The following SLC35F4 variants were observed in gnomAD, a reference collection of about 807,000 sequenced individuals.
The protein encoded by SLC35F4 is solute carrier family 35 member F4, also known as chromosome 14 open reading frame 36.
SLC35F4 carries 24 observed loss-of-function variants against 44.2 expected under a neutral mutation model. That is an observed-to-expected ratio of 0.54 (90% CI 0.39 to 0.76). The LOEUF is 0.76. Ranked by LOEUF, SLC35F4 falls within the 30% of genes least tolerant of loss-of-function variation. The probability of loss-of-function intolerance (pLI) is 0.00; values close to 1 mark genes in which losing one functional copy is unlikely to be tolerated. For missense variants in SLC35F4, 562 were observed against 586.1 expected (o/e 0.96, Z 0.42); for synonymous variants, 238 against 223.6 (o/e 1.06, Z -0.57).
At chr14:57,590,942 T>A (rs148958842) in intron 2 of SLC35F4, among the ~76,000 whole-genome samples, 85 of 152,342 alleles carry the variant, frequency 5.6e-4, no homozygotes, top group African/African-American at 2.0e-3. Flanking sequence ...TAAGGCTTTC[T>A]GATATAATCA....
intron 1 of SLC35F4, among the ~76,000 whole-genome samples, chr14:57,902,329 C>T (rs1889018818): frequency 1.3e-5 from 2 of 151,974 alleles, no homozygotes; most frequent in African/African-American, 2.4e-5. Context: ...TTTGGGAGGC[C>T]GAGGTGAGCA....
intron 1 of SLC35F4, among the ~76,000 whole-genome samples, chr14:57,892,582 T>C (rs1888791891): frequency 6.6e-6 from 1 of 152,226 alleles, no homozygotes; most frequent in Non-Finnish European, 1.5e-5. Context: ...ACAATTCATT[T>C]AACGTTTACA....
chr14:57,835,834 C>T (rs1348933801), intron 1 of SLC35F4, among the ~76,000 whole-genome samples: 1 of 152,248 alleles, frequency 6.6e-6, no homozygotes, highest in Non-Finnish European at 1.5e-5. Flanking sequence ...ATTCTGGCAT[C>T]AAGCCATGTC....
At chr14:57,772,253 T>C (rs761598158) in intron 1 of SLC35F4, among the ~76,000 whole-genome samples, 13 of 152,202 alleles carry the variant, frequency 8.5e-5, no homozygotes, top group Non-Finnish European at 1.8e-4. Flanking sequence ...TAATGACAAA[T>C]GTCAAACTCA....
Position 57,604,926 on chromosome 14 carries a change from C to G in SLC35F4, c.104-10802G>C, listed in dbSNP as rs150000023. On this transcript the variant is annotated intron_variant, in intron 1 of 7. Coordinates refer to ENST00000556826, the MANE Select transcript of SLC35F4 (RefSeq NM_001306087.2). ...CATATGCAAAAGAATGAAACTGGAC[C>G]CATACCTATCACCATATACAAAAAT... is the stretch of plus-strand genomic sequence containing the variant. Among the ~76,000 whole-genome samples the G allele has an allele frequency of 8.3e-3, 1,268 of 152,082 alleles. 23 individuals carry two copies. The highest frequency in any genetic ancestry group is 0.013 in the South Asian group (65 of 4,816).
chr14:57,800,916 G>A (rs1175223563), intron 1 of SLC35F4, among the ~76,000 whole-genome samples: 2 of 152,168 alleles, frequency 1.3e-5, no homozygotes, highest in African/African-American at 4.8e-5. Flanking sequence ...AAGAGACAGG[G>A]AGAATGGAAC....
intron 1 of SLC35F4, among the ~76,000 whole-genome samples, chr14:57,743,776 A>T (rs2076684726): frequency 6.6e-6 from 1 of 152,330 alleles, no homozygotes; most frequent in South Asian, 2.1e-4. Flanking sequence ...CAACAAAAAA[A>T]CACAATTTTA....
At chr14:57,568,857 C>T (rs778317603) in intron 6 of SLC35F4, among the ~76,000 whole-genome samples, 11 of 151,980 alleles carry the variant, frequency 7.2e-5, no homozygotes, top group East Asian at 3.9e-4. Context: ...GAAATAGAAG[C>T]GGCATGAAAA....
Position 57,732,354 on chromosome 14 carries a change from A to C in SLC35F4, c.103+133369T>G, listed in dbSNP as rs1306193496. ...GACTGAAATTACAAACTAAAGTATA[A>C]AAACAAGCACAGTAAAGTTATAATG... On this transcript the variant is annotated intron_variant, in intron 1 of 7. Coordinates refer to ENST00000556826, the MANE Select transcript of SLC35F4 (RefSeq NM_001306087.2). Among the ~76,000 whole-genome samples the C allele has an allele frequency of 2.0e-5, 3 of 152,314 alleles. No homozygotes were observed. The East Asian group carries it at 5.8e-4, about 29-fold the overall frequency.
At chr14:57,967,337 T>G (rs1880904160) in intron 1 of SLC35F4, among the ~76,000 whole-genome samples, 2 of 152,204 alleles carry the variant, frequency 1.3e-5, no homozygotes, top group African/African-American at 4.8e-5. Flanking sequence ...ATCCAGTCCC[T>G]CCTCCTCTCC....
At chr14:57,919,432 T>C (rs1469504032) in intron 1 of SLC35F4, among the ~76,000 whole-genome samples, 1 of 152,322 alleles carries the variant, frequency 6.6e-6, no homozygotes, top group South Asian at 2.1e-4. Flanking sequence ...AGTTAACACA[T>C]GCCAGGGCGA....
At chr14:57,592,417 A>C (rs2070248873) in intron 2 of SLC35F4, among the ~76,000 whole-genome samples, 1 of 152,212 alleles carries the variant, frequency 6.6e-6, no homozygotes, top group Admixed American at 6.5e-5. Flanking sequence ...AATATCCCCA[A>C]GTGCTTCCAA....
chr14:57,972,917 A>G (rs1174638899), downstream of SLC35F4, among the ~76,000 whole-genome samples: 1 of 152,212 alleles, frequency 6.6e-6, no homozygotes, highest in Non-Finnish European at 1.5e-5. Flanking sequence ...GCCGAGGGAG[A>G]AGGCTCACTG....
chr14:57,579,679 C>T (rs536433163), intron 4 of SLC35F4, among the ~76,000 whole-genome samples: 2 of 152,270 alleles, frequency 1.3e-5, no homozygotes, highest in African/African-American at 4.8e-5. Flanking sequence ...GAAGTATGAA[C>T]TCATTTACTA....
intron 1 of SLC35F4, among the ~76,000 whole-genome samples, chr14:57,651,691 G>A (rs759681112): frequency 2.0e-5 from 3 of 152,116 alleles, no homozygotes; most frequent in Non-Finnish European, 4.4e-5. Flanking sequence ...CCATGGCTGC[G>A]GCTTGGGAAA....
chr14:57,954,440 G>A (rs1219717954), intron 1 of SLC35F4, among the ~76,000 whole-genome samples: 10 of 151,786 alleles, frequency 6.6e-5, no homozygotes, highest in Non-Finnish European at 1.2e-4. Flanking sequence ...GAACTGAAGG[G>A]GATAGAGACA....
intron 1 of SLC35F4, among the ~76,000 whole-genome samples, chr14:57,707,649 A>G (rs200336477): frequency 6.6e-6 from 1 of 152,214 alleles, no homozygotes; most frequent in East Asian, 1.9e-4. Flanking sequence ...CTAGTGGGAC[A>G]TTGGTAGAAG....
intron 1 of SLC35F4, among the ~76,000 whole-genome samples, chr14:57,800,027 A>C (rs1490087544): frequency 6.6e-6 from 1 of 152,190 alleles, no homozygotes; most frequent in Non-Finnish European, 1.5e-5. Context: ...TGCTTCTTTA[A>C]GCCGGACCCC....
In SLC35F4 at chr14:57,961,933, C is replaced by A. The variant is rs140862324; in HGVS notation, n.282+19980G>T. Among the ~76,000 whole-genome samples the A allele has an allele frequency of 8.7e-4, 133 of 152,296 alleles. 1 individual carries two copies. Among genetic ancestry groups the A allele is most frequent in the Admixed American group, 2.0e-3 (30 of 15,300 alleles). On this transcript the variant is annotated intron_variant and non_coding_transcript_variant, in intron 1 of 1. Transcript: ENST00000556568. ...AGTGTGAGTATCTGTTTTACAAATG[C>A]CTCCCTCTCCTCCTGAGAGACTGAA...
Sources: allele counts gnomAD v4.1 joint callset (sites outside exome capture counted in the v4.1 genomes callset), GRCh38; gene constraint gnomAD v4.1.1; transcripts MANE v1.5; gene names NCBI Gene and HGNC (gene_info 2026-07-23, HGNC 2026-07-21).